The following TMEM232 variants were observed in gnomAD, a reference collection of about 807,000 sequenced individuals.
TMEM232 encodes the protein transmembrane protein 232.
Under a neutral mutation model 78.8 loss-of-function variants are expected in TMEM232, and 80 were observed. The observed-to-expected ratio is 1.01, with a 90% CI of 0.85 to 1.22. The LOEUF (loss-of-function observed/expected upper bound fraction) is 1.22. Ranked by LOEUF, TMEM232 falls within the 50% of genes most tolerant of loss-of-function variation. TMEM232 has a pLI of 0.00. For synonymous variants in TMEM232, 297 were observed against 254.3 expected (o/e 1.17, Z -1.60); for missense variants, 881 against 742.2 (o/e 1.19, Z -2.17).
chr5:110,405,912 T>G (rs1334571442), intron 2 of TMEM232, among the ~76,000 whole-genome samples: 1 of 151,834 alleles, frequency 6.6e-6, no homozygotes, highest in Non-Finnish European at 1.5e-5. Flanking sequence ...TATCAATACA[T>G]TGATCCAAAA....
chr5:110,712,505 T>C (rs1484489888), intron 1 of TMEM232, among the ~76,000 whole-genome samples: 1 of 152,118 alleles, frequency 6.6e-6, no homozygotes, highest in Non-Finnish European at 1.5e-5. Context: ...GTGTTCAACA[T>C]CATTGATCAT....
chr5:110,545,917 T>C (rs982032348), intron 11 of TMEM232, among the ~76,000 whole-genome samples: 11 of 152,138 alleles, frequency 7.2e-5, no homozygotes, highest in Admixed American at 2.6e-4. Context: ...ACCTTGCTCA[T>C]TGCAAGTCTC....
At chr5:110,457,142 T>G (rs1296431294) in intron 12 of TMEM232, among the ~76,000 whole-genome samples, 2 of 152,070 alleles carry the variant, frequency 1.3e-5, no homozygotes, top group Non-Finnish European at 2.9e-5. Flanking sequence ...TTATATTCAC[T>G]ATGCAAGAAA....
rs1763976209 is a variant in TMEM232, at chr5:110,482,504, C to A, written c.1703+46084G>T. ...GCTGAGGCAGGAGAATCACTTGAACCCAGGAGGCGGATGTTGCAGTGAGCC... is the reference window on the plus strand; with the variant it reads ...GCTGAGGCAGGAGAATCACTTGAACACAGGAGGCGGATGTTGCAGTGAGCC... On this transcript the variant is annotated intron_variant, in intron 12 of 13. Coordinates refer to ENST00000455884, the MANE Select transcript of TMEM232 (RefSeq NM_001039763.4). Among the ~76,000 whole-genome samples the A allele has an allele frequency of 3.3e-5, 5 of 151,594 alleles. No individual in the cohort carries two copies. In the South Asian group the frequency reaches 1.0e-3, roughly 31 times the overall value.
At chr5:110,406,291 C>CACAT (rs1755790540) in intron 2 of TMEM232, among the ~76,000 whole-genome samples, 1 of 151,458 alleles carries the variant, frequency 6.6e-6, no homozygotes, top group Non-Finnish European at 1.5e-5. Flanking sequence ...CACACACACA[C>CACAT]ACACACACAC....
intron 1 of TMEM232, among the ~76,000 whole-genome samples, chr5:110,691,472 AC>A (rs1224195663): frequency 6.6e-6 from 1 of 152,212 alleles, no homozygotes; most frequent in East Asian, 1.9e-4. Flanking sequence ...GTATGCCAGT[AC>A]TTTTTATTTA....
chr5:110,655,919 G>A (rs1201377618), intron 2 of TMEM232, among the ~76,000 whole-genome samples: 1 of 105,162 alleles, frequency 9.5e-6, no homozygotes, highest in East Asian at 3.6e-4. Flanking sequence ...GGTGGGGGGA[G>A]GGGGGAGGGA....
In TMEM232 at chr5:110,493,940, C is replaced by A. The variant is rs559156054; in HGVS notation, c.1703+34648G>T. 2.0e-5 allele frequency among the ~76,000 whole-genome samples: 3 copies of A among 152,122 alleles called. No individual in the cohort carries two copies. In the East Asian group the frequency reaches 5.8e-4, roughly 29 times the overall value. ...ATGCTATCCCTTCCCTAGCCCCCCA[C>A]CCACAACAGGCCCCAGTGTGTGATG... On this transcript the variant is annotated intron_variant, in intron 12 of 13. Transcript: ENST00000455884.
At chr5:110,578,676 T>C (rs187390735) in intron 10 of TMEM232, among the ~76,000 whole-genome samples, 3 of 152,074 alleles carry the variant, frequency 2.0e-5, no homozygotes, top group East Asian at 1.9e-4. Flanking sequence ...AACCACTGAT[T>C]AGAAGGGATC....
intron 12 of TMEM232, among the ~76,000 whole-genome samples, chr5:110,475,642 G>C (rs968643719): frequency 2.0e-5 from 3 of 151,776 alleles, no homozygotes; most frequent in Non-Finnish European, 4.4e-5. Flanking sequence ...TGAAGAGATA[G>C]AGCTATAAGT....
rs992785365 is a variant in TMEM232 at position 110,637,917 on chromosome 5, C to A, written c.501+281G>T. Among the ~76,000 whole-genome samples the A allele has an allele frequency of 5.9e-5, 9 of 151,430 alleles. No homozygotes were observed. In the East Asian group the frequency reaches 9.7e-4, roughly 16 times the overall value. On this transcript the variant is annotated intron_variant, in intron 5 of 13. Transcript: ENST00000455884. ...GTCCTTAAAATAGAAAAGAAAAACT[C>A]TATATATACTTAGAGAAACAGTTAA...
chr5:110,560,748 A>G (rs1289634294), intron 11 of TMEM232, among the ~76,000 whole-genome samples: 1 of 152,210 alleles, frequency 6.6e-6, no homozygotes, highest in Non-Finnish European at 1.5e-5. Context: ...ACTTTTTCAC[A>G]TTATACCAAT....
intron 12 of TMEM232, among the ~76,000 whole-genome samples, chr5:110,526,249 C>CA (rs1378918941): frequency 6.8e-6 from 1 of 147,348 alleles, no homozygotes; most frequent in African/African-American, 2.5e-5. Flanking sequence ...GACTATACGG[C>CA]AAAAAAATGC....
At chr5:110,532,265 GCTCT>G (rs1164108198) in intron 11 of TMEM232, among the ~76,000 whole-genome samples, 4 of 151,562 alleles carry the variant, frequency 2.6e-5, no homozygotes, top group Non-Finnish European at 5.9e-5. Context: ...CTGGCCCAAG[GCTCT>G]CTGACTGACT....
chr5:110,719,890 T>TA (rs1227311928), intron 1 of TMEM232, among the ~76,000 whole-genome samples: 1 of 152,078 alleles, frequency 6.6e-6, no homozygotes. Context: ...TCTATTGTTT[T>TA]AAAAAATGCT....
chr5:110,454,160 T>G (rs960597250), intron 12 of TMEM232, among the ~76,000 whole-genome samples: 4 of 152,168 alleles, frequency 2.6e-5, no homozygotes, highest in African/African-American at 9.7e-5. Flanking sequence ...CAACTTTATG[T>G]AATTAACATG....
At chr5:110,660,710 T>C (rs911419233) in intron 2 of TMEM232, among the ~76,000 whole-genome samples, 2 of 151,830 alleles carry the variant, frequency 1.3e-5, no homozygotes, top group East Asian at 1.9e-4. Context: ...TGTGGATACA[T>C]AGATAGTTGT....
intron 2 of TMEM232, among the ~76,000 whole-genome samples, chr5:110,652,287 C>T (rs1011551576): frequency 3.0e-5 from 4 of 132,658 alleles, no homozygotes; most frequent in South Asian, 2.4e-4. Context: ...CAAAAGTGCA[C>T]GCGCGCGCAC....
rs574221974 is a variant in TMEM232, at chr5:110,493,700, C to T, written c.1703+34888G>A. Among the ~76,000 whole-genome samples, 11 of 151,942 alleles carry T rather than the reference C, an allele frequency of 7.2e-5. No individual in the cohort carries two copies. The East Asian group carries it at 1.9e-3, about 27-fold the overall frequency. On this transcript the variant is annotated intron_variant, in intron 12 of 13. Coordinates refer to ENST00000455884, the MANE Select transcript of TMEM232 (RefSeq NM_001039763.4). ...TAATGGCTTAAATATGAGCAGCAAA[C>T]TTTTTAAGCTCTTGGGAAAAAGTAC...
Sources: allele counts gnomAD v4.1 joint callset (sites outside exome capture counted in the v4.1 genomes callset), GRCh38; gene constraint gnomAD v4.1.1; transcripts MANE v1.5; gene names NCBI Gene and HGNC (gene_info 2026-07-23, HGNC 2026-07-21).